The following SLC39A11 variants were observed in gnomAD, a reference collection of about 807,000 sequenced individuals.
SLC39A11 encodes zinc transporter ZIP11.
A neutral mutation model predicts 36.1 loss-of-function variants in SLC39A11; 33 were observed. That is an observed-to-expected ratio of 0.91 (90% CI 0.69 to 1.22). SLC39A11 has a LOEUF of 1.22. SLC39A11 is among the 50% of genes most tolerant of loss of function. The pLI is 0.00. For missense variants in SLC39A11, 432 were observed against 430.3 expected, an observed-to-expected ratio of 1.00 and a Z score of -0.03; for synonymous variants, 166 against 170.3, an observed-to-expected ratio of 0.97 and a Z score of 0.20.
intron 4 of SLC39A11, among the ~76,000 whole-genome samples, chr17:73,007,486 T>C (rs1041511270): frequency 1.3e-5 from 2 of 152,120 alleles, no homozygotes; most frequent in Non-Finnish European, 2.9e-5. Context: ...CATGGACTAA[T>C]GACAATGGCC....
At chr17:73,030,706 G>A (rs976497298) in intron 4 of SLC39A11, among the ~76,000 whole-genome samples, 1 of 152,210 alleles carries the variant, frequency 6.6e-6, no homozygotes, top group African/African-American at 2.4e-5. Flanking sequence ...CCCAGTGTCT[G>A]GTAAGGCTGT....
intron 4 of SLC39A11, among the ~76,000 whole-genome samples, chr17:72,974,907 G>A (rs1037233160): frequency 3.3e-5 from 5 of 152,170 alleles, no homozygotes; most frequent in African/African-American, 1.2e-4. Flanking sequence ...TTGTGTTACA[G>A]TTGTCCACAG....
chr17:72,911,683 G>A (rs879083069), intron 5 of SLC39A11, among the ~76,000 whole-genome samples: 3 of 152,144 alleles, frequency 2.0e-5, no homozygotes, highest in Admixed American at 2.0e-4. Flanking sequence ...ACCATTCTGA[G>A]CCCAGGCTGG....
chr17:72,955,298 CTTTTTTTTTT>C (rs71359751), intron 4 of SLC39A11, among the ~76,000 whole-genome samples: 1 of 65,580 alleles, frequency 1.5e-5, no homozygotes, highest in Non-Finnish European at 2.6e-5. Flanking sequence ...TTTCAGTTCT[CTTTTTTTTTT>C]TTTTTTTTTT....
chr17:72,877,896 G>A (rs2080996136), intron 5 of SLC39A11, among the ~76,000 whole-genome samples: 1 of 151,378 alleles, frequency 6.6e-6, no homozygotes, highest in African/African-American at 2.4e-5. Flanking sequence ...GTATACATGT[G>A]CCATGTTGGT....
At chr17:73,036,607 C>T (rs1383259851) in intron 3 of SLC39A11, among the ~76,000 whole-genome samples, 1 of 152,060 alleles carries the variant, frequency 6.6e-6, no homozygotes, top group African/African-American at 2.4e-5. Context: ...CCATGCCGCC[C>T]AGCTCATTTT....
chr17:72,784,995 G>C (rs763383069), intron 6 of SLC39A11, among the ~76,000 whole-genome samples: 19 of 151,996 alleles, frequency 1.3e-4, no homozygotes, highest in Non-Finnish European at 2.4e-4. Flanking sequence ...AAGTAGCTGG[G>C]ATTACAGGTA....
chr17:72,760,095 C>T (rs1407542619), intron 6 of SLC39A11, among the ~76,000 whole-genome samples: 4 of 152,186 alleles, frequency 2.6e-5, no homozygotes, highest in Admixed American at 6.5e-5. Flanking sequence ...GGTGCAATCT[C>T]GGCTCACTGC....
At chr17:72,835,891 T>C (rs1446758559) in intron 6 of SLC39A11, among the ~76,000 whole-genome samples, 1 of 152,236 alleles carries the variant, frequency 6.6e-6, no homozygotes, top group African/African-American at 2.4e-5. Flanking sequence ...ATTTGGTGGC[T>C]CCAGGATCCA....
At chr17:72,737,124 G>C (rs1256166382) in intron 6 of SLC39A11, among the ~76,000 whole-genome samples, 5 of 151,900 alleles carry the variant, frequency 3.3e-5, no homozygotes, top group Non-Finnish European at 7.4e-5. Flanking sequence ...AAAAATACGA[G>C]AGTTAGCAGG....
intron 7 of SLC39A11, among the ~76,000 whole-genome samples, chr17:72,669,065 G>C (rs1356280419): frequency 6.6e-6 from 1 of 151,840 alleles, no homozygotes; most frequent in Non-Finnish European, 1.5e-5. Flanking sequence ...ACCTGAACAG[G>C]GTCAGTATAT....
chr17:72,951,904 C>A (rs922320809), intron 4 of SLC39A11, among the ~76,000 whole-genome samples: 2 of 152,080 alleles, frequency 1.3e-5, no homozygotes, highest in Non-Finnish European at 2.9e-5. Flanking sequence ...CTCTTTTCAC[C>A]TTTCTATCAA....
rs182982507 is a variant in SLC39A11, at chr17:72,975,719, A to G, written c.307-27844T>C. Among the ~76,000 whole-genome samples the G allele has an allele frequency of 1.9e-3, 287 of 152,368 alleles. 1 individual carries two copies. Among genetic ancestry groups the G allele is most frequent in the African/African-American group, 6.5e-3 (269 of 41,588 alleles). On this transcript the variant is annotated intron_variant, in intron 4 of 9. Transcript: ENST00000255559. ...AGTAGGGTATCAGTTCAGCTGCTGT[A>G]ACAAAGATAGAAAGCGAACAATGAC...
chr17:72,661,501 G>A (rs551623579), intron 7 of SLC39A11, among the ~76,000 whole-genome samples: 25 of 152,342 alleles, frequency 1.6e-4, no homozygotes, highest in African/African-American at 5.5e-4. Flanking sequence ...ATCCTCCCAT[G>A]TGCGATGAGC....
At chr17:72,847,139 A>T (rs1247173182) in intron 6 of SLC39A11, among the ~76,000 whole-genome samples, 1 of 152,178 alleles carries the variant, frequency 6.6e-6, no homozygotes, top group East Asian at 1.9e-4. Context: ...GCTGTGGCTC[A>T]TGCCCGTAAT....
intron 4 of SLC39A11, among the ~76,000 whole-genome samples, chr17:72,979,938 C>A (rs1417227004): frequency 6.6e-6 from 1 of 152,082 alleles, no homozygotes; most frequent in African/African-American, 2.4e-5. Context: ...CATGACCTCC[C>A]CAAAATGGTG....
chr17:72,782,828 C>T (rs990355823), intron 6 of SLC39A11, among the ~76,000 whole-genome samples: 2 of 151,070 alleles, frequency 1.3e-5, no homozygotes, highest in African/African-American at 4.9e-5. Flanking sequence ...TGGCAAAAAC[C>T]CCTTCTCTAC....
chr17:72,808,562 C>T (rs924723056), intron 6 of SLC39A11, among the ~76,000 whole-genome samples: 3 of 152,196 alleles, frequency 2.0e-5, no homozygotes, highest in African/African-American at 7.2e-5. Flanking sequence ...TAAATGACAG[C>T]CAGCAAATGT....
intron 5 of SLC39A11, among the ~76,000 whole-genome samples, chr17:72,936,611 G>A (rs903110): frequency 0.96 from 145,202 of 151,884 alleles, 69,734 homozygotes; most frequent in East Asian, 1. Context: ...CTCAAACTCT[G>A]CCTCTAAAGA....
Sources: gnomAD v4.1 joint callset for allele counts (sites outside exome capture counted in the v4.1 genomes callset) on GRCh38, gnomAD v4.1.1 for gene constraint, MANE v1.5 for transcripts, NCBI Gene and HGNC (gene_info 2026-07-23, HGNC 2026-07-21) for gene names.